Variants in RBFOX1 observed in about 807,000 individuals in gnomAD.
RBFOX1 encodes RNA binding fox-1 homolog 1, also known as RNA binding protein fox-1 homolog 1.
In RBFOX1, 8 loss-of-function variants were observed where a neutral mutation model predicts 57.7. The observed-to-expected ratio is 0.14, with a 90% CI of 0.08 to 0.25. The LOEUF (loss-of-function observed/expected upper bound fraction) is 0.25. RBFOX1 is among the 10% of genes least tolerant of loss of function. The pLI is 1.00. For synonymous variants in RBFOX1, 326 were observed against 222.4 expected (o/e 1.47, Z -4.15); for missense variants, 611 against 548.5 (o/e 1.11, Z -1.14).
chr16:7,076,750 A>G (rs1048025319), intron 4 of RBFOX1, among the ~76,000 whole-genome samples: 1 of 152,204 alleles, frequency 6.6e-6, no homozygotes, highest in South Asian at 2.1e-4. Flanking sequence ...GTGTATGCAT[A>G]ATATGAAATG....
At chr16:6,407,436 A>C (rs1171502565) in intron 2 of RBFOX1, among the ~76,000 whole-genome samples, 1 of 151,782 alleles carries the variant, frequency 6.6e-6, no homozygotes, top group East Asian at 1.9e-4. Flanking sequence ...TACTATCTCT[A>C]TATTTATTTT....
intron 3 of RBFOX1, among the ~76,000 whole-genome samples, chr16:5,733,600 A>G (rs751621227): frequency 1.3e-5 from 2 of 152,092 alleles, no homozygotes; most frequent in African/African-American, 4.8e-5. Flanking sequence ...CAGCATGGTC[A>G]CCTAGTCCCC....
At chr16:6,923,047 T>G (rs953174285) in intron 3 of RBFOX1, among the ~76,000 whole-genome samples, 2 of 152,178 alleles carry the variant, frequency 1.3e-5, no homozygotes, top group Non-Finnish European at 2.9e-5. Flanking sequence ...TGCAGTACCG[T>G]CGGCTGTTTA....
intron 1 of RBFOX1, among the ~76,000 whole-genome samples, chr16:5,287,610 T>C (rs1209909414): frequency 2.0e-5 from 3 of 152,206 alleles, no homozygotes; most frequent in Non-Finnish European, 4.4e-5. Flanking sequence ...TTGGTTAATC[T>C]GGCATGAGCA....
intron 15 of RBFOX1, 26 bp downstream of exon 15, chr16:7,709,157 C>A: frequency 6.3e-7 from 1 of 1,579,334 alleles, no homozygotes; most frequent in Non-Finnish European, 8.7e-7. Flanking sequence ...TCCTTGTCCT[C>A]ACTTCCTCCT....
At chr16:6,655,756 C>G (rs56003991) in intron 3 of RBFOX1, among the ~76,000 whole-genome samples, 3,309 of 152,240 alleles carry the variant, frequency 0.022, 125 homozygotes, top group African/African-American at 0.075. Flanking sequence ...CATCGTTCCA[C>G]AAGTTTGAAA....
chr16:6,438,247 G>A (rs550059008), intron 2 of RBFOX1, among the ~76,000 whole-genome samples: 4 of 152,310 alleles, frequency 2.6e-5, no homozygotes, highest in South Asian at 4.2e-4. Context: ...TGTGCTCTGT[G>A]CCTCACAGGT....
At chr16:6,819,660 A>C (rs1318358770) in intron 3 of RBFOX1, among the ~76,000 whole-genome samples, 2 of 142,558 alleles carry the variant, frequency 1.4e-5, no homozygotes, top group African/African-American at 2.6e-5. Flanking sequence ...AGCCAGGATC[A>C]AGGCATTGCA....
intron 4 of RBFOX1, among the ~76,000 whole-genome samples, chr16:7,086,205 C>T (rs1415072842): frequency 6.6e-6 from 1 of 152,072 alleles, no homozygotes; most frequent in African/African-American, 2.4e-5. Flanking sequence ...TTACCTAATG[C>T]TTTTTAATTG....
chr16:5,874,570 G>C (rs1373698209), intron 4 of RBFOX1, among the ~76,000 whole-genome samples: 2 of 152,162 alleles, frequency 1.3e-5, no homozygotes, highest in African/African-American at 4.8e-5. Context: ...TTTTGAAGGA[G>C]AAGGAAGATA....
chr16:7,210,430 A>G (rs1389034574), intron 4 of RBFOX1, among the ~76,000 whole-genome samples: 4 of 152,108 alleles, frequency 2.6e-5, no homozygotes, highest in South Asian at 4.1e-4. Context: ...TTCCAATTGC[A>G]CTACACTCAC....
At chr16:5,362,365 A>G (rs983809639) in intron 1 of RBFOX1, among the ~76,000 whole-genome samples, 1 of 150,884 alleles carries the variant, frequency 6.6e-6, no homozygotes, top group Admixed American at 6.6e-5. Flanking sequence ...TGGTTTTTGT[A>G]TCCTTTATTT....
chr16:7,533,432 T>TA (rs1474858503), intron 5 of RBFOX1, among the ~76,000 whole-genome samples: 1 of 152,192 alleles, frequency 6.6e-6, no homozygotes, highest in African/African-American at 2.4e-5. Flanking sequence ...AAAAATCCTT[T>TA]AAAATTGAGA....
intron 5 of RBFOX1, among the ~76,000 whole-genome samples, chr16:7,544,688 T>C (rs1259662162): frequency 6.6e-6 from 1 of 152,218 alleles, no homozygotes; most frequent in Non-Finnish European, 1.5e-5. Flanking sequence ...CCTCTGGAAC[T>C]GTGAGAGATT....
chr16:7,514,559 G>A (rs1276970520), intron 4 of RBFOX1, among the ~76,000 whole-genome samples: 3 of 152,100 alleles, frequency 2.0e-5, no homozygotes, highest in African/African-American at 7.2e-5. Flanking sequence ...GGAGCAGAGG[G>A]GATGGGCAAC....
intron 3 of RBFOX1, among the ~76,000 whole-genome samples, chr16:5,780,612 GAGAC>G (rs1190112422): frequency 6.6e-6 from 1 of 152,042 alleles, no homozygotes; most frequent in African/African-American, 2.4e-5. Context: ...ATTTCCTGGG[GAGAC>G]AGACATTTAA....
At chr16:7,390,122 C>T (rs1027406415) in intron 4 of RBFOX1, among the ~76,000 whole-genome samples, 3 of 152,100 alleles carry the variant, frequency 2.0e-5, no homozygotes, top group Non-Finnish European at 4.4e-5. Flanking sequence ...AGAGGGGCTA[C>T]ATACTTTCAA....
chr16:5,503,558 C>T (rs2043275300), intron 2 of RBFOX1, among the ~76,000 whole-genome samples: 2 of 152,210 alleles, frequency 1.3e-5, no homozygotes, highest in African/African-American at 2.4e-5. Flanking sequence ...ATTCTTGTGC[C>T]TTGGCCTCCT....
chr16:5,497,623 A>AC (rs1567163693), intron 2 of RBFOX1, among the ~76,000 whole-genome samples: 1 of 119,268 alleles, frequency 8.4e-6, no homozygotes, highest in East Asian at 2.3e-4. Context: ...CTAAAAATAC[A>AC]AAAAAAAAAA....
Sources: allele counts gnomAD v4.1 joint callset (sites outside exome capture counted in the v4.1 genomes callset), GRCh38; gene constraint gnomAD v4.1.1; transcripts MANE v1.5; gene names NCBI Gene and HGNC (gene_info 2026-07-23, HGNC 2026-07-21).